SORCS1: variants seen among roughly 807,000 people sequenced by gnomAD.
The protein encoded by SORCS1 is VPS10 domain-containing receptor SorCS1.
SORCS1 carries 60 observed loss-of-function variants against 146.1 expected under a neutral mutation model. The ratio of observed to expected loss-of-function variants is 0.41; its 90% confidence interval spans 0.33 to 0.51. The LOEUF is 0.51. SORCS1 is among the 20% of genes least tolerant of loss of function. SORCS1 has a pLI of 0.21. For synonymous variants in SORCS1, 637 were observed against 584.0 expected (o/e 1.09, Z -1.31); for missense variants, 1,352 against 1,487.6 (o/e 0.91, Z 1.50).
intron 1 of SORCS1, among the ~76,000 whole-genome samples, chr10:107,147,501 T>C (rs940431796): frequency 5.9e-5 from 9 of 152,148 alleles, no homozygotes; most frequent in African/African-American, 2.2e-4. Context: ...TTTCTCTCTC[T>C]CTCTGTCTCT....
intron 3 of SORCS1, among the ~76,000 whole-genome samples, chr10:106,795,332 A>T (rs1946504817): frequency 6.6e-6 from 1 of 152,148 alleles, no homozygotes; most frequent in South Asian, 2.1e-4. Flanking sequence ...CTAGAGAACT[A>T]AGGTTCTGAG....
At chr10:106,984,169 C>T (rs1489531397) in intron 1 of SORCS1, among the ~76,000 whole-genome samples, 1 of 152,068 alleles carries the variant, frequency 6.6e-6, no homozygotes, top group African/African-American at 2.4e-5. Context: ...CAAGGACGTC[C>T]TACTGAAGTA....
At chr10:106,867,653 A>G (rs1396108654) in intron 2 of SORCS1, among the ~76,000 whole-genome samples, 1 of 152,244 alleles carries the variant, frequency 6.6e-6, no homozygotes, top group Non-Finnish European at 1.5e-5. Context: ...TAACTTCCTA[A>G]GTAAAGGAGA....
chr10:107,086,613 C>G (rs1446545062), intron 1 of SORCS1, among the ~76,000 whole-genome samples: 1 of 152,118 alleles, frequency 6.6e-6, no homozygotes, highest in Non-Finnish European at 1.5e-5. Flanking sequence ...ATATGGTTCT[C>G]TTTTTTTAAA....
chr10:106,620,182 G>A, intron 20 of SORCS1: 1 of 402,820 alleles, frequency 2.5e-6, no homozygotes, highest in Non-Finnish European at 4.4e-6. Context: ...ACAAAGACAA[G>A]TACAGCTGGA....
chr10:106,708,064 T>C (rs541422979), intron 7 of SORCS1, among the ~76,000 whole-genome samples: 29 of 152,306 alleles, frequency 1.9e-4, no homozygotes, highest in Admixed American at 1.6e-3. Flanking sequence ...CATTTGTAAG[T>C]CATAGATGTG....
chr10:106,854,025 T>A (rs921249295), intron 2 of SORCS1, among the ~76,000 whole-genome samples: 14 of 151,900 alleles, frequency 9.2e-5, no homozygotes, highest in African/African-American at 3.4e-4. Context: ...GCCTACTAGA[T>A]CTGTTCATTT....
At chr10:106,926,410 T>C (rs190634884) in intron 2 of SORCS1, among the ~76,000 whole-genome samples, 130 of 152,320 alleles carry the variant, frequency 8.5e-4, no homozygotes, top group African/African-American at 3.0e-3. Context: ...CTTATCTTCC[T>C]GAGCCTCAAC....
rs77699596 is a variant in SORCS1, at chr10:106,838,975, G to A, written c.627-9302C>T. On this transcript the variant is annotated intron_variant, in intron 2 of 25. Coordinates refer to ENST00000263054, the MANE Select transcript of SORCS1 (RefSeq NM_052918.5). ...GGCAAATTTAATCAATAAATATTAT[G>A]TATGTTTTGACTGCTCCAACAACCA... Among the ~76,000 whole-genome samples, 371 of 152,178 alleles carry A rather than the reference G, an allele frequency of 2.4e-3. 1 individual carries two copies. Among genetic ancestry groups the A allele is most frequent in the African/African-American group, 7.5e-3 (312 of 41,490 alleles).
chr10:106,757,531 A>T (rs1858741579), intron 5 of SORCS1, among the ~76,000 whole-genome samples: 1 of 152,220 alleles, frequency 6.6e-6, no homozygotes, highest in South Asian at 2.1e-4. Context: ...GTAGTTGCTC[A>T]GAGTTAGAAA....
At chr10:106,746,042 G>A (rs887248491) in intron 5 of SORCS1, among the ~76,000 whole-genome samples, 1 of 152,096 alleles carries the variant, frequency 6.6e-6, no homozygotes, top group Non-Finnish European at 1.5e-5. Flanking sequence ...AAACTGTCCA[G>A]GTCATCAGAG....
At chr10:107,019,008 A>G (rs1454586512) in intron 1 of SORCS1, among the ~76,000 whole-genome samples, 1 of 152,198 alleles carries the variant, frequency 6.6e-6, no homozygotes, top group Admixed American at 6.5e-5. Context: ...TAGGTAACTC[A>G]CTTTAACAAT....
chr10:107,093,692 A>AAG (rs1413849642), intron 1 of SORCS1, among the ~76,000 whole-genome samples: 1 of 151,452 alleles, frequency 6.6e-6, no homozygotes, highest in Non-Finnish European at 1.5e-5. Context: ...AAAAAAAAAA[A>AAG]ACTGAGTCTT....
intron 24 of SORCS1, among the ~76,000 whole-genome samples, chr10:106,587,857 TG>T (rs1394640065): frequency 2.0e-5 from 3 of 152,062 alleles, no homozygotes; most frequent in African/African-American, 4.8e-5. Context: ...GGGGGGGTCA[TG>T]TTTTTTTATT....
intron 1 of SORCS1, among the ~76,000 whole-genome samples, chr10:107,134,079 A>C (rs1350654858): frequency 6.6e-6 from 1 of 152,166 alleles, no homozygotes; most frequent in Non-Finnish European, 1.5e-5. Flanking sequence ...TGCTAGTAGT[A>C]GTGGTGACAA....
intron 1 of SORCS1, among the ~76,000 whole-genome samples, chr10:107,134,366 C>T (rs1299566507): frequency 2.6e-5 from 4 of 152,254 alleles, no homozygotes; most frequent in South Asian, 2.1e-4. Context: ...CGGCCAGGCG[C>T]GGTGGCTCAA....
chr10:106,972,544 T>TTTTTTTAAAGAAAGA (rs1955831706), intron 1 of SORCS1, among the ~76,000 whole-genome samples: 1 of 151,512 alleles, frequency 6.6e-6, no homozygotes. Context: ...TTTTTTTTTT[T>TTTTTTTAAAGAAAGA]GGCCGTAAAG....
chr10:106,965,164 A>C (rs1052407794), intron 1 of SORCS1, among the ~76,000 whole-genome samples: 2 of 152,144 alleles, frequency 1.3e-5, no homozygotes, highest in African/African-American at 4.8e-5. Flanking sequence ...CAAAGTGGTC[A>C]TAACACTTCT....
At chr10:107,013,289 C>T (rs1415423650) in intron 1 of SORCS1, among the ~76,000 whole-genome samples, 1 of 151,996 alleles carries the variant, frequency 6.6e-6, no homozygotes, top group African/African-American at 2.4e-5. Context: ...TTAACCGAGT[C>T]CAGGTTTCAC....
Sources: allele counts gnomAD v4.1 joint callset (sites outside exome capture counted in the v4.1 genomes callset), GRCh38; gene constraint gnomAD v4.1.1; transcripts MANE v1.5; gene names NCBI Gene and HGNC (gene_info 2026-07-23, HGNC 2026-07-21).